The following LRRC31 variants were observed in gnomAD, a reference collection of about 807,000 sequenced individuals.
LRRC31 encodes the protein leucine rich repeat containing 31, also known as leucine-rich repeat-containing protein 31.
In LRRC31, 35 loss-of-function variants were observed where a neutral mutation model predicts 46.7. The ratio of observed to expected loss-of-function variants is 0.75; its 90% CI spans 0.57 to 0.99. LRRC31 has a LOEUF of 0.99. LRRC31 is among the 50% of genes least tolerant of loss of function. The pLI is 0.00. For missense variants in LRRC31, 613 were observed against 626.1 expected, an observed-to-expected ratio of 0.98 and a Z score of 0.22; for synonymous variants, 236 against 235.1, an observed-to-expected ratio of 1.00 and a Z score of -0.03.
At chr3:169,855,107 A>G (rs1426335609) in intron 5 of LRRC31, 127 bp from the exon 6 acceptor site, 2 of 701,552 alleles carry the variant, frequency 2.9e-6, no homozygotes, top group African/African-American at 3.6e-5. Context: ...CTTGGGCAGC[A>G]TAGTGAGATC....
At chr3:169,852,266 A>G (rs929710395) in intron 6 of LRRC31, among the ~76,000 whole-genome samples, 1 of 150,948 alleles carries the variant, frequency 6.6e-6, no homozygotes, top group Non-Finnish European at 1.5e-5. Flanking sequence ...AGCCGGGCGC[A>G]GTGGCGGGCG....
chr3:169,840,899 T>C (rs569177762), intron 8 of LRRC31, among the ~76,000 whole-genome samples: 1 of 152,222 alleles, frequency 6.6e-6, no homozygotes, highest in African/African-American at 2.4e-5. Flanking sequence ...AGAAAATAAA[T>C]AAGTTAATGA....
At chr3:169,846,315 G>T (rs929591799) in intron 8 of LRRC31, among the ~76,000 whole-genome samples, 1 of 152,144 alleles carries the variant, frequency 6.6e-6, no homozygotes, top group African/African-American at 2.4e-5. Context: ...GAAACACTAG[G>T]TGAACATATA....
chr3:169,839,979 A>C lies in LRRC31; in HGVS notation c.*3T>G. The stretch of plus-strand genomic sequence containing the variant: ...GTAGCTTAGTAGGACATGGGAAATC[A>C]GTTTACTGAAACCCACCATGGTCAA... On this transcript the variant is annotated 3_prime_UTR_variant, in exon 9 of 9. Coordinates refer to ENST00000316428, the MANE Select transcript of LRRC31 (RefSeq NM_024727.4). 6.2e-7 allele frequency: 1 copy of C among 1,601,992 alleles called. No homozygotes were observed. Among genetic ancestry groups the C allele is most frequent in the East Asian group, 2.2e-5 (1 of 44,788 alleles).
At chr3:169,860,430 G>T in intron 3 of LRRC31, 131 bp downstream of exon 3, 1 of 912,550 alleles carries the variant, frequency 1.1e-6, no homozygotes, top group Non-Finnish European at 1.8e-6. Flanking sequence ...GTTTCACCAT[G>T]TTGCCCAGGC....
intron 8 of LRRC31, among the ~76,000 whole-genome samples, chr3:169,846,727 C>A (rs2108202762): frequency 6.6e-6 from 1 of 152,256 alleles, no homozygotes; most frequent in South Asian, 2.1e-4. Context: ...ACCCTCTTTC[C>A]ACCAATGGAA....
chr3:169,854,169 A>C (rs1243923605), intron 6 of LRRC31, among the ~76,000 whole-genome samples: 2 of 152,188 alleles, frequency 1.3e-5, no homozygotes, highest in Admixed American at 6.5e-5. Context: ...CGTGGCCTGG[A>C]CCAGGGTAGT....
At chr3:169,864,213 A>G (rs1368299553) in intron 1 of LRRC31, among the ~76,000 whole-genome samples, 1 of 152,182 alleles carries the variant, frequency 6.6e-6, no homozygotes, top group Non-Finnish European at 1.5e-5. Flanking sequence ...GTTTGGAAAG[A>G]GTGGTTTCCA....
rs1415716032 is a variant in LRRC31 at position 169,851,910 on chromosome 3, T to G, written c.992-124A>C. On this transcript the variant is annotated intron_variant, in intron 6 of 8. Coordinates refer to ENST00000316428, the MANE Select transcript of LRRC31 (RefSeq NM_024727.4). Reference sequence around the variant, plus strand: ...CAGCTCTCCCCACCCCGGCCCTCCCTCCTTTATACACCCCAAACCAGCCTC... The same window carrying G: ...CAGCTCTCCCCACCCCGGCCCTCCCGCCTTTATACACCCCAAACCAGCCTC... The G allele has an allele frequency of 5.8e-6, 5 of 859,060 alleles. No homozygotes were observed. The East Asian group carries it at 1.3e-4, about 23-fold the overall frequency. 53.2% of individuals were successfully genotyped at this position (859,060 alleles called of 1,614,324 possible).
chr3:169,840,218 G>A lies in LRRC31; in HGVS notation c.1423C>T (p.Gln475Ter). ...ICDAGWTMFC[Q>*]NVRFLKELIE... ...AGCTCTTTGAGGAACCGCACGTTTT[G>A]GCAGAACATGGTCCACCCCGCATCA... The change falls in exon 9 of 9, where the codon CAA becomes TAA. Residue 475 changes from glutamine (Q) to a stop codon, truncating the protein, a stop_gained. Transcript: ENST00000316428. LOFTEE classifies it low-confidence loss of function (END_TRUNC). 2.5e-6 allele frequency: 4 copies of A among 1,614,106 alleles called. No homozygotes were observed. The highest frequency in any genetic ancestry group is 3.4e-6 in the Non-Finnish European group (4 of 1,180,014).
At chr3:169,867,281 G>C (rs1448973742) in intron 1 of LRRC31, among the ~76,000 whole-genome samples, 1 of 108,786 alleles carries the variant, frequency 9.2e-6, no homozygotes, top group Non-Finnish European at 1.7e-5. Flanking sequence ...ACAGAGTCTT[G>C]CTCTGTCGCC....
chr3:169,847,137 C>T (rs904334603), intron 8 of LRRC31, among the ~76,000 whole-genome samples: 2 of 152,032 alleles, frequency 1.3e-5, no homozygotes, highest in Admixed American at 6.6e-5. Context: ...CTCTCTGATT[C>T]ATTGTTTTAT....
rs202118245 is a variant in LRRC31 at position 169,848,124 on chromosome 3, G to T, written c.1323C>A (p.Leu441=). The T allele has an allele frequency of 3.2e-5, 51 of 1,612,596 alleles. No homozygotes were observed. In the Middle Eastern group the frequency reaches 6.6e-4, roughly 21 times the overall value. ...TGGGAACAAGTAGATACACACCCAG[G>T]AGAGCCACATCCTCTGTCACCAGGG... ...SCSLVTEDVA[L]LASVIQTGHL... The change falls in exon 8 of 9, where the codon CTC becomes CTA. Residue 441 remains leucine, a synonymous_variant. Coordinates refer to ENST00000316428, the MANE Select transcript of LRRC31 (RefSeq NM_024727.4).
At chr3:169,856,674 C>CTT (rs551358218) in intron 4 of LRRC31, 31 bp downstream of exon 4, 95 of 1,270,758 alleles carry the variant, frequency 7.5e-5, no homozygotes, top group South Asian at 2.0e-4. Context: ...GGCATCTTCA[C>CTT]TTTTTTTTTT....
rs377391679 is a variant in LRRC31, at chr3:169,846,420, C to G, written c.1327+1700G>C. Among the ~76,000 whole-genome samples, 63 of 152,250 alleles carry G rather than the reference C, an allele frequency of 4.1e-4. 1 individual carries two copies. Among genetic ancestry groups the G allele is most frequent in the African/African-American group, 1.4e-3 (60 of 41,534 alleles). Reference sequence around the variant, plus strand: ...ATCCCAGCATTTTGGGAAGCCTAGGCGGGTGGATCACCTGAGGTCAGGTGT... The same window carrying G: ...ATCCCAGCATTTTGGGAAGCCTAGGGGGGTGGATCACCTGAGGTCAGGTGT... On this transcript the variant is annotated intron_variant, in intron 8 of 8. Coordinates refer to ENST00000316428, the MANE Select transcript of LRRC31 (RefSeq NM_024727.4).
chr3:169,862,965 C>T (rs918139196), intron 1 of LRRC31, among the ~76,000 whole-genome samples: 1 of 151,564 alleles, frequency 6.6e-6, no homozygotes, highest in Non-Finnish European at 1.5e-5. Context: ...TCACTGCAAC[C>T]TCCACCTCCC....
intron 8 of LRRC31, among the ~76,000 whole-genome samples, chr3:169,843,605 G>C (rs1428005138): frequency 6.6e-6 from 1 of 152,152 alleles, no homozygotes; most frequent in Non-Finnish European, 1.5e-5. Flanking sequence ...AAACTGCACT[G>C]GTGCCCCTCA....
At chr3:169,860,931 G>A (rs1183386600) in intron 2 of LRRC31, among the ~76,000 whole-genome samples, 1 of 152,170 alleles carries the variant, frequency 6.6e-6, no homozygotes, top group Non-Finnish European at 1.5e-5. Flanking sequence ...TATTTCTTGG[G>A]ATGTTTTCTA....
At chr3:169,852,424 A>AC (rs1560626251) in intron 6 of LRRC31, among the ~76,000 whole-genome samples, 21 of 150,726 alleles carry the variant, frequency 1.4e-4, no homozygotes, top group African/African-American at 4.7e-4. Context: ...AAAAAAAAAA[A>AC]AAAAAAACTC....
Sources: allele counts gnomAD v4.1 joint callset (sites outside exome capture counted in the v4.1 genomes callset), GRCh38; gene constraint gnomAD v4.1.1; transcripts MANE v1.5; gene names NCBI Gene and HGNC (gene_info 2026-07-23, HGNC 2026-07-21).